Variants in FBXL20 observed in about 807,000 individuals in gnomAD.
FBXL20 encodes F-box/LRR-repeat protein 20.
FBXL20 carries 11 observed loss-of-function variants against 64.0 expected under a neutral mutation model. That is an observed-to-expected ratio of 0.17 (90% CI 0.11 to 0.28). The LOEUF (loss-of-function observed/expected upper bound fraction) is 0.28. Ranked by LOEUF, FBXL20 falls within the 10% of genes least tolerant of loss-of-function variation. The pLI, the probability that FBXL20 is intolerant of heterozygous loss-of-function variation, is 1.00. For missense variants in FBXL20, 303 were observed against 526.2 expected, an observed-to-expected ratio of 0.58 and a Z score of 4.15; for synonymous variants, 184 against 189.0, an observed-to-expected ratio of 0.97 and a Z score of 0.22.
chr17:39,341,490 A>G (rs1352676186), intron 2 of FBXL20, among the ~76,000 whole-genome samples: 2 of 152,224 alleles, frequency 1.3e-5, no homozygotes, highest in Non-Finnish European at 2.9e-5. Flanking sequence ...ATCATTACAT[A>G]ACTCTACACT....
chr17:39,377,761 C>G (rs1181290276), intron 1 of FBXL20, among the ~76,000 whole-genome samples: 1 of 152,180 alleles, frequency 6.6e-6, no homozygotes, highest in Non-Finnish European at 1.5e-5. Flanking sequence ...CCTAGGCCTC[C>G]CAAAGTGCTG....
At chr17:39,316,294 TACACAC>T (rs34083114) in intron 2 of FBXL20, among the ~76,000 whole-genome samples, 6 of 150,110 alleles carry the variant, frequency 4.0e-5, no homozygotes, top group Non-Finnish European at 5.9e-5. Context: ...CATCTACATA[TACACAC>T]ACACACACAC....
chr17:39,290,949 T>C lies in FBXL20; in HGVS notation c.399-5376A>G, dbSNP rs1386558142. Among the ~76,000 whole-genome samples, 3 of 148,904 alleles carry C rather than the reference T, an allele frequency of 2.0e-5. No individual in the cohort carries two copies. The East Asian group carries it at 5.9e-4, about 29-fold the overall frequency. The stretch of plus-strand genomic sequence containing the variant: ...GAACAATCAACTTTTACTTTATAAG[T>C]CTTCTCCATTCTGTATTTTTTTTTT... On this transcript the variant is annotated intron_variant, in intron 6 of 14. Transcript: ENST00000264658.
intron 2 of FBXL20, among the ~76,000 whole-genome samples, chr17:39,331,721 C>A (rs149653775): frequency 1.0e-3 from 157 of 152,298 alleles, no homozygotes; most frequent in Non-Finnish European, 1.9e-3. Flanking sequence ...TTAATTATTT[C>A]TATACATCTA....
intron 1 of FBXL20, among the ~76,000 whole-genome samples, chr17:39,361,328 G>C (rs2047791558): frequency 6.6e-6 from 1 of 152,076 alleles, no homozygotes; most frequent in Admixed American, 6.6e-5. Context: ...CCATTTCGCT[G>C]TTAGCTGAAT....
intron 1 of FBXL20, among the ~76,000 whole-genome samples, chr17:39,386,817 A>C (rs918379229): frequency 2.6e-5 from 4 of 152,190 alleles, no homozygotes; most frequent in African/African-American, 9.7e-5. Flanking sequence ...TGTGGAGCAC[A>C]CATATTCTCC....
rs560565473 is a variant in FBXL20 at position 39,388,715 on chromosome 17, C to G, written c.42+12646G>C. Among the ~76,000 whole-genome samples, 14 of 151,090 alleles carry G rather than the reference C, an allele frequency of 9.3e-5. No homozygotes were observed. In the South Asian group the frequency reaches 2.9e-3, roughly 32 times the overall value. ...GCCAGGATGGTCTCGATCTCTTGAC[C>G]TCGCGATCCACCCACCTTGGCCTCC... On this transcript the variant is annotated intron_variant, in intron 1 of 14. Transcript: ENST00000264658.
chr17:39,298,912 C>T (rs779835145), intron 5 of FBXL20, 78 bp downstream of exon 5: 273 of 1,139,504 alleles, frequency 2.4e-4, no homozygotes, highest in Non-Finnish European at 3.4e-4. Context: ...GGAATTTTAA[C>T]GATTTTAGCC....
At chr17:39,388,166 A>C (rs1180903183) in intron 1 of FBXL20, among the ~76,000 whole-genome samples, 3 of 152,048 alleles carry the variant, frequency 2.0e-5, no homozygotes, top group Non-Finnish European at 4.4e-5. Context: ...TATATTAAAA[A>C]CTTATTTTGA....
intron 6 of FBXL20, among the ~76,000 whole-genome samples, chr17:39,295,211 TA>T (rs1203335292): frequency 6.6e-6 from 1 of 152,098 alleles, no homozygotes; most frequent in Non-Finnish European, 1.5e-5. Flanking sequence ...TTTTCATATT[TA>T]AAAAAAGTCA....
In FBXL20 at chr17:39,259,478, T is replaced by C. The variant is rs1246789815; in HGVS notation, c.*1982A>G. The C allele has an allele frequency of 6.6e-6, 1 of 152,144 alleles. No individual in the cohort carries two copies. The highest frequency in any genetic ancestry group is 1.5e-5 in the Non-Finnish European group (1 of 68,026). The allele number at this position is 152,144 out of a possible 1,614,324, so 9.4% of individuals were successfully genotyped here. A position where few individuals can be genotyped will look rare whatever the true frequency, so the allele number is the denominator to read the frequency against. ...TCTTGGGGTTTAGAAATTTTCTTCT[T>C]ATGCTTTAAAAACTCATTTTACTTC... On this transcript the variant is annotated 3_prime_UTR_variant, in exon 15 of 15. Transcript: ENST00000264658.
chr17:39,367,378 G>A (rs376133724), intron 1 of FBXL20, among the ~76,000 whole-genome samples: 16 of 147,476 alleles, frequency 1.1e-4, no homozygotes, highest in East Asian at 6.1e-4. Context: ...GTGCAGTGGC[G>A]CAATCTCGGC....
At chr17:39,345,556 T>TA (rs1466219547) in intron 1 of FBXL20, among the ~76,000 whole-genome samples, 3 of 152,002 alleles carry the variant, frequency 2.0e-5, no homozygotes, top group African/African-American at 7.3e-5. Context: ...AATAATTTTT[T>TA]TTTTGAGAGA....
At chr17:39,346,918 C>A (rs1389107849) in intron 1 of FBXL20, among the ~76,000 whole-genome samples, 6 of 150,858 alleles carry the variant, frequency 4.0e-5, no homozygotes, top group Non-Finnish European at 8.8e-5. Context: ...GTTCAATTCC[C>A]ATCTATGAGT....
At chr17:39,288,092 T>C (rs1328818380) in intron 6 of FBXL20, among the ~76,000 whole-genome samples, 3 of 150,754 alleles carry the variant, frequency 2.0e-5, no homozygotes, top group African/African-American at 4.9e-5. Flanking sequence ...GCCTCCAGAG[T>C]AGCTGGGACT....
chr17:39,299,489 AGCTGGTCAGGGGCCAGGCAC>A lies in FBXL20; in HGVS notation c.235-425_235-406del, dbSNP rs557133653. The stretch of plus-strand genomic sequence containing the variant: ...AGAGACTCAATGAACATTTAACAAA[AGCTGGTCAGGGGCCAGGCAC>A]GGTGGCCCACGCCTGTAATCCCAGC... On this transcript the variant is annotated intron_variant, in intron 4 of 14. Transcript: ENST00000264658. 6.6e-5 allele frequency among the ~76,000 whole-genome samples: 10 copies of A among 152,330 alleles called. No individual in the cohort carries two copies. In the East Asian group the frequency reaches 1.9e-3, roughly 29 times the overall value.
intron 1 of FBXL20, among the ~76,000 whole-genome samples, chr17:39,361,460 C>T (rs2047792890): frequency 6.6e-6 from 1 of 152,192 alleles, no homozygotes; most frequent in Non-Finnish European, 1.5e-5. Context: ...AATAAAACTT[C>T]CTCATCTTCT....
rs528876302 is a variant in FBXL20, at chr17:39,262,708, TTC to T, written c.1204-1143_1204-1142del. 9.9e-4 allele frequency among the ~76,000 whole-genome samples: 150 copies of T among 152,192 alleles called. 1 individual carries two copies. Among genetic ancestry groups the T allele is most frequent in the African/African-American group, 3.4e-3 (142 of 41,538 alleles). On this transcript the variant is annotated intron_variant, in intron 14 of 14. Coordinates refer to ENST00000264658, the MANE Select transcript of FBXL20 (RefSeq NM_032875.3). ...ACAGATTCATCCAGCTTTTTAAAAC[TTC>T]TTTTTCGGCCGGGCGCAGTGGCTCA...
At chr17:39,275,713 A>G (rs2046883925) in intron 9 of FBXL20, among the ~76,000 whole-genome samples, 1 of 152,062 alleles carries the variant, frequency 6.6e-6, no homozygotes, top group African/African-American at 2.4e-5. Context: ...CCTGGCCTCA[A>G]TTAAATATTA....
Sources: allele counts gnomAD v4.1 joint callset (sites outside exome capture counted in the v4.1 genomes callset), GRCh38; gene constraint gnomAD v4.1.1; transcripts MANE v1.5; gene names NCBI Gene and HGNC (gene_info 2026-07-23, HGNC 2026-07-21).